Variants in SLC5A12 observed in about 807,000 individuals in gnomAD.
SLC5A12 encodes the protein solute carrier family 5 member 12.
SLC5A12 carries 46 observed loss-of-function variants against 72.7 expected under a neutral mutation model. The ratio of observed to expected loss-of-function variants is 0.63; its 90% CI spans 0.50 to 0.81. The LOEUF is 0.81. Ranked by LOEUF, SLC5A12 falls within the 30% of genes least tolerant of loss-of-function variation. The pLI is 0.00. For synonymous variants in SLC5A12, 275 were observed against 264.4 expected, an observed-to-expected ratio of 1.04 and a Z score of -0.39; for missense variants, 683 against 740.7, an observed-to-expected ratio of 0.92 and a Z score of 0.90.
chr11:26,682,892 G>A (rs887617925), intron 11 of SLC5A12, among the ~76,000 whole-genome samples: 16 of 151,922 alleles, frequency 1.1e-4, no homozygotes, highest in Admixed American at 3.3e-4. Context: ...CCGAATGCTC[G>A]CTACCCATCA....
At position 26,706,799 on chromosome 11, in the gene SLC5A12, A is replaced by G. The variant is rs867942160; in HGVS notation, c.525+2513T>C. Among the ~76,000 whole-genome samples, 5 of 150,760 alleles carry G rather than the reference A, an allele frequency of 3.3e-5. No individual in the cohort carries two copies. The East Asian group carries it at 9.7e-4, about 29-fold the overall frequency. On this transcript the variant is annotated intron_variant, in intron 4 of 14. Transcript: ENST00000396005. ...TCTTTTTTCTAAATTTCAAAATGGC[A>G]TATAATTATAATTATAATTATTGAT...
At position 26,671,215 on chromosome 11, in the gene SLC5A12, C is replaced by G. The variant is rs1199695164; in HGVS notation, c.1744G>C (p.Ala582Pro). Residue 582 changes from alanine (A) to proline (P), a missense_variant, in exon 15 of 15, where the codon GCT becomes CCT. Coordinates refer to ENST00000396005, the MANE Select transcript of SLC5A12 (RefSeq NM_178498.4). ...AGTCCGTTCTGTAAGACAGATTCAG[C>G]CCCCTGTTTCCGGGCACTGCCATTC... The part of the protein sequence containing the change: ...LENGSARKQG[A>P]ESVLQNGLRR... The G allele has an allele frequency of 6.2e-7, 1 of 1,605,786 alleles. No individual in the cohort carries two copies. The highest frequency in any genetic ancestry group is 1.1e-5 in the South Asian group (1 of 89,650).
At position 26,680,942 on chromosome 11, in the gene SLC5A12, G is replaced by A. The variant is rs1480319704; in HGVS notation, c.1475+113C>T. 3 of 997,402 alleles carry A rather than the reference G, an allele frequency of 3.0e-6. No individual in the cohort carries two copies. The African/African-American group carries it at 4.9e-5, about 16-fold the overall frequency. 61.8% of individuals were successfully genotyped at this position (997,402 alleles called of 1,614,324 possible). A position where few individuals can be genotyped will look rare whatever the true frequency, so the allele number is the denominator to read the frequency against. ...CAGTGCTGGGTACTTCCCTGAGTGA[G>A]TCTCATAAGAGAACAAGATATGTCT... On this transcript the variant is annotated intron_variant, in intron 12 of 14. Transcript: ENST00000396005.
chr11:26,697,943 G>A (rs1854863813), intron 7 of SLC5A12, among the ~76,000 whole-genome samples: 1 of 141,290 alleles, frequency 7.1e-6, no homozygotes, highest in African/African-American at 2.8e-5. Context: ...TGTCGCCCAG[G>A]CTGGAGTGCA....
In SLC5A12 at chr11:26,678,304, G is replaced by T. The variant is rs113691765; in HGVS notation, c.1579+408C>A. ...AGGGTTTTTCATACTCAGGCCTCTG[G>T]GGGGCATGTGTCAAAGCATCTTTTT... On this transcript the variant is annotated intron_variant, in intron 13 of 14. Coordinates refer to ENST00000396005, the MANE Select transcript of SLC5A12 (RefSeq NM_178498.4). Among the ~76,000 whole-genome samples the T allele has an allele frequency of 4.6e-3, 697 of 152,134 alleles. 11 individuals carry two copies. The highest frequency in any genetic ancestry group is 0.016 in the African/African-American group (663 of 41,506).
Position 26,677,068 on chromosome 11 carries a change from T to C in SLC5A12, c.1579+1644A>G, listed in dbSNP as rs147873788. Among the ~76,000 whole-genome samples, 339 of 152,258 alleles carry C rather than the reference T, an allele frequency of 2.2e-3. 1 individual carries two copies. The highest frequency in any genetic ancestry group is 3.8e-3 in the Non-Finnish European group (261 of 68,022). ...TTACAGAAGATTTGTTAAAGCCTCT[T>C]AGTGAGCAGACCTGAGGTTATCAGG... On this transcript the variant is annotated intron_variant, in intron 13 of 14. Transcript: ENST00000396005.
In SLC5A12 at chr11:26,683,847, T is replaced by C; in HGVS notation, c.1222-4A>G. 3.8e-6 allele frequency: 6 copies of C among 1,588,750 alleles called. No homozygotes were observed. Among genetic ancestry groups the C allele is most frequent in the Non-Finnish European group, 5.1e-6 (6 of 1,167,780 alleles). On this transcript the variant is annotated splice_region_variant and splice_polypyrimidine_tract_variant and intron_variant, in intron 10 of 14. Transcript: ENST00000396005. ...TGCCGTGAATGCTGAGGGAAGCCTG[T>C]GGAACAAAGGCAGACCAGATGAATC...
chr11:26,678,858 G>A, intron 12 of SLC5A12, 43 bp from the exon 13 acceptor site: 5 of 1,352,658 alleles, frequency 3.7e-6, no homozygotes, highest in Non-Finnish European at 5.3e-6. Flanking sequence ...GCATCCTAAA[G>A]ACCCACAGTG....
At chr11:26,712,570 C>A in intron 2 of SLC5A12, 71 bp downstream of exon 2, 1 of 1,149,578 alleles carries the variant, frequency 8.7e-7, no homozygotes, top group South Asian at 2.0e-5. Context: ...GAGTTTATTG[C>A]CCCCAAAATA....
intron 4 of SLC5A12, among the ~76,000 whole-genome samples, chr11:26,705,715 T>G (rs1855067635): frequency 6.6e-6 from 1 of 152,106 alleles, no homozygotes; most frequent in African/African-American, 2.4e-5. Flanking sequence ...CAAATCTCAA[T>G]GTAAGATTTT....
Position 26,671,086 on chromosome 11 carries a change from T to C in SLC5A12, c.*16A>G. ...GTGTATTGCACGTGTGTGTGTGCAT[T>C]CATACAGGTATTGCCTTAGAAATGG... On this transcript the variant is annotated 3_prime_UTR_variant, in exon 15 of 15. Coordinates refer to ENST00000396005, the MANE Select transcript of SLC5A12 (RefSeq NM_178498.4). The C allele has an allele frequency of 6.5e-7, 1 of 1,545,612 alleles. No individual in the cohort carries two copies. The highest frequency in any genetic ancestry group is 8.9e-7 in the Non-Finnish European group (1 of 1,126,536).
intron 1 of SLC5A12, among the ~76,000 whole-genome samples, chr11:26,714,205 A>C (rs941224622): frequency 6.6e-6 from 1 of 152,022 alleles, no homozygotes; most frequent in African/African-American, 2.4e-5. Flanking sequence ...CATATTTACT[A>C]TTCCTAATAT....
At chr11:26,685,543 G>A (rs571518408) in intron 10 of SLC5A12, among the ~76,000 whole-genome samples, 4 of 152,022 alleles carry the variant, frequency 2.6e-5, no homozygotes, top group Non-Finnish European at 2.9e-5. Flanking sequence ...GGGAGGCAGA[G>A]GTTGCAGTGA....
chr11:26,721,199 C>T (rs1221554070), intron 1 of SLC5A12, among the ~76,000 whole-genome samples, 177 bp downstream of exon 1: 1 of 152,152 alleles, frequency 6.6e-6, no homozygotes, highest in Non-Finnish European at 1.5e-5. Context: ...TTTCCTTCTA[C>T]AGATGGGAAA....
chr11:26,669,166 T>TTTCTTTCTTTCTTTC lies in SLC5A12; in HGVS notation c.*1935_*1936insGAAAGAAAGAAAGAA. 1 of 133,594 alleles carries TTTCTTTCTTTCTTTC rather than the reference T, an allele frequency of 7.5e-6. No individual in the cohort carries two copies. The highest frequency in any genetic ancestry group is 2.7e-5 in the African/African-American group (1 of 37,244). The allele number at this position is 133,594 out of a possible 1,614,324, so 8.3% of individuals were successfully genotyped here. On this transcript the variant is annotated 3_prime_UTR_variant, in exon 15 of 15. Transcript: ENST00000396005. ...CTGTCTCTCTCTTCCTCTTCCTGTC[T>TTTCTTTCTTTCTTTC]TTTTCTTTCTTTCTTTCTTCTTTTC...
At chr11:26,689,794 GATTAATGGATGA>G (rs1221416478) in intron 9 of SLC5A12, among the ~76,000 whole-genome samples, 1 of 152,106 alleles carries the variant, frequency 6.6e-6, no homozygotes, top group African/African-American at 2.4e-5. Flanking sequence ...AAATATGATG[GATTAATGGATGA>G]ATAGACAACT....
rs768774748 is a variant in SLC5A12 at position 26,717,247 on chromosome 11, G to A, written c.339+4129C>T. Among the ~76,000 whole-genome samples, 17 of 152,112 alleles carry A rather than the reference G, an allele frequency of 1.1e-4. No individual in the cohort carries two copies. The South Asian group carries it at 2.9e-3, about 26-fold the overall frequency. On this transcript the variant is annotated intron_variant, in intron 1 of 14. Coordinates refer to ENST00000396005, the MANE Select transcript of SLC5A12 (RefSeq NM_178498.4). ...AGAAAACACAGTGAAATAGTAGCCCGGGCATTATCATAAAGAAAATTTGAA... is the reference window on the plus strand; with the variant it reads ...AGAAAACACAGTGAAATAGTAGCCCAGGCATTATCATAAAGAAAATTTGAA...
intron 11 of SLC5A12, 53 bp downstream of exon 11, chr11:26,683,704 C>T (rs368175162): frequency 5.7e-5 from 82 of 1,450,526 alleles, no homozygotes; most frequent in South Asian, 1.3e-4. Context: ...AGAGAGAAAA[C>T]GGCTGGGCCC....
At chr11:26,673,674 T>C (rs1854198822) in intron 13 of SLC5A12, 145 bp from the exon 14 acceptor site, 4 of 1,095,384 alleles carry the variant, frequency 3.7e-6, no homozygotes, top group Middle Eastern at 6.5e-4. Context: ...CAGAAATTGG[T>C]TAACTGCTGA....
Sources: gnomAD v4.1 joint callset for allele counts (sites outside exome capture counted in the v4.1 genomes callset) on GRCh38, gnomAD v4.1.1 for gene constraint, MANE v1.5 for transcripts, NCBI Gene and HGNC (gene_info 2026-07-23, HGNC 2026-07-21) for gene names.